CACNA1D: variants seen among roughly 807,000 people sequenced by gnomAD.
CACNA1D encodes calcium voltage-gated channel subunit alpha1 D, also known as voltage-dependent L-type calcium channel subunit alpha-1D.
In CACNA1D, 55 loss-of-function variants were observed where a neutral mutation model predicts 257.1. The ratio of observed to expected loss-of-function variants is 0.21; its 90% confidence interval spans 0.17 to 0.27. The LOEUF is 0.27. CACNA1D is among the 10% of genes least tolerant of loss of function. The pLI, the probability that CACNA1D is intolerant of heterozygous loss-of-function variation, is 1.00. For missense variants in CACNA1D, 1,876 were observed against 2,784.0 expected (o/e 0.67, Z 7.34); for synonymous variants, 980 against 1,014.9 (o/e 0.97, Z 0.65).
chr3:53,592,555 A>C (rs1350062009), intron 3 of CACNA1D, among the ~76,000 whole-genome samples: 1 of 152,174 alleles, frequency 6.6e-6, no homozygotes, highest in African/African-American at 2.4e-5. Flanking sequence ...CATGAGCTTA[A>C]GGAAATATTA....
chr3:53,768,906 T>C (rs1157683267), intron 30 of CACNA1D, among the ~76,000 whole-genome samples: 1 of 152,190 alleles, frequency 6.6e-6, no homozygotes, highest in East Asian at 1.9e-4. Context: ...GCAGACACAC[T>C]GTACAGAAAG....
At chr3:53,633,807 A>G (rs924544547) in intron 3 of CACNA1D, among the ~76,000 whole-genome samples, 4 of 152,216 alleles carry the variant, frequency 2.6e-5, no homozygotes, top group African/African-American at 9.7e-5. Flanking sequence ...ACTGGATGGT[A>G]CAGTTAAGCT....
chr3:53,570,052 G>A (rs1395151373), intron 3 of CACNA1D, among the ~76,000 whole-genome samples: 2 of 151,422 alleles, frequency 1.3e-5, no homozygotes, highest in Admixed American at 6.6e-5. Flanking sequence ...AAAACTTTTT[G>A]GAAAAAAAAA....
chr3:53,593,356 G>A (rs966148876), intron 3 of CACNA1D, among the ~76,000 whole-genome samples: 2 of 152,172 alleles, frequency 1.3e-5, no homozygotes, highest in African/African-American at 4.8e-5. Flanking sequence ...TGAGTTTCTT[G>A]AGTTTCTTCC....
At chr3:53,600,283 A>G (rs1379026993) in intron 3 of CACNA1D, among the ~76,000 whole-genome samples, 3 of 152,200 alleles carry the variant, frequency 2.0e-5, no homozygotes, top group Non-Finnish European at 4.4e-5. Flanking sequence ...TCCTCAATTG[A>G]TACGGATGAA....
At chr3:53,672,127 G>C (rs1014008494) in intron 7 of CACNA1D, among the ~76,000 whole-genome samples, 1 of 152,216 alleles carries the variant, frequency 6.6e-6, no homozygotes, top group African/African-American at 2.4e-5. Context: ...GGGAGACTGT[G>C]TCTGAATGTG....
rs2094841959 is a variant in CACNA1D at position 53,718,280 on chromosome 3, AAGC to A, written c.1391-20_1391-18del. ...TGCAGTGTGCCCCGCATGCTCTCTG[AAGC>A]CCGTCTTCTCCCCACAGCTAGCATG... is the stretch of plus-strand genomic sequence containing the variant. On this transcript the variant is annotated intron_variant, in intron 9 of 47. Transcript: ENST00000350061. The A allele has an allele frequency of 6.2e-7, 1 of 1,608,272 alleles. No individual in the cohort carries two copies. Among genetic ancestry groups the A allele is most frequent in the African/African-American group, 1.3e-5 (1 of 74,956 alleles).
intron 3 of CACNA1D, among the ~76,000 whole-genome samples, chr3:53,603,516 T>A (rs1334158652): frequency 1.3e-5 from 2 of 152,196 alleles, no homozygotes; most frequent in African/African-American, 4.8e-5. Flanking sequence ...ACCTAGTATA[T>A]ATAGATGGTA....
At chr3:53,544,029 A>G (rs1228610871) in intron 3 of CACNA1D, among the ~76,000 whole-genome samples, 2 of 152,144 alleles carry the variant, frequency 1.3e-5, no homozygotes, top group Non-Finnish European at 2.9e-5. Flanking sequence ...ATATCCAGTC[A>G]ATCTCTGTCA....
At chr3:53,772,725 C>T (rs1333889729) in intron 32 of CACNA1D, 108 bp from the exon 33 acceptor site, 17 of 808,384 alleles carry the variant, frequency 2.1e-5, no homozygotes, top group East Asian at 4.9e-5. Flanking sequence ...CACGGTAACA[C>T]GTGGAATAGA....
At chr3:53,808,384 AGC>A (rs1411503701) in intron 45 of CACNA1D, 7 of 422,182 alleles carry the variant, frequency 1.7e-5, no homozygotes, top group Non-Finnish European at 3.1e-5. Flanking sequence ...ACTGCACTCC[AGC>A]CTGGGCGACA....
intron 3 of CACNA1D, among the ~76,000 whole-genome samples, chr3:53,579,441 G>A (rs1276610621): frequency 6.6e-6 from 1 of 152,178 alleles, no homozygotes; most frequent in Admixed American, 6.5e-5. Context: ...CCCAGTTAAA[G>A]ATGCCTCATA....
At chr3:53,804,292 C>T (rs997452698) in intron 44 of CACNA1D, among the ~76,000 whole-genome samples, 37 of 152,284 alleles carry the variant, frequency 2.4e-4, no homozygotes, top group African/African-American at 8.4e-4. Context: ...AGCCCTTCCC[C>T]GTGCCTCTCT....
intron 4 of CACNA1D, among the ~76,000 whole-genome samples, chr3:53,656,822 G>A (rs1260431035): frequency 6.6e-6 from 1 of 152,150 alleles, no homozygotes; most frequent in Non-Finnish European, 1.5e-5. Context: ...AACATTGTTA[G>A]TAATTAGAGA....
chr3:53,646,468 T>G (rs2094022105), intron 3 of CACNA1D, among the ~76,000 whole-genome samples: 1 of 152,234 alleles, frequency 6.6e-6, no homozygotes, highest in Non-Finnish European at 1.5e-5. Flanking sequence ...ATCTATAGCT[T>G]TATTCCTTTC....
At chr3:53,668,315 TA>T (rs1297128684) in intron 7 of CACNA1D, among the ~76,000 whole-genome samples, 5 of 152,198 alleles carry the variant, frequency 3.3e-5, no homozygotes, top group Non-Finnish European at 5.9e-5. Context: ...CAAGCAAGTG[TA>T]AAACCTGGGA....
chr3:53,812,450 A>ATCTT lies in CACNA1D; in HGVS notation c.*1047_*1050dup, dbSNP rs1167119512. 2 of 152,228 alleles carry ATCTT rather than the reference A, an allele frequency of 1.3e-5. No individual in the cohort carries two copies. The highest frequency in any genetic ancestry group is 3.8e-4 in the East Asian group (2 of 5,200). The allele number at this position is 152,228 out of a possible 1,614,324, so 9.4% of individuals were successfully genotyped here. A position where few individuals can be genotyped will look rare whatever the true frequency, so the allele number is the denominator to read the frequency against. On this transcript the variant is annotated 3_prime_UTR_variant, in exon 48 of 48. Coordinates refer to ENST00000350061, the MANE Select transcript of CACNA1D (RefSeq NM_001128840.3). ...TATTTTGAGTCACTATAAACCTATCATCTTTCCACAAGATATACCAGATGA... is the reference window on the plus strand; with the variant it reads ...TATTTTGAGTCACTATAAACCTATCATCTTTCTTTCCACAAGATATACCAGATGA...
intron 6 of CACNA1D, 127 bp from the exon 7 acceptor site, chr3:53,666,212 G>T (rs2094261173): frequency 2.3e-6 from 2 of 859,444 alleles, no homozygotes; most frequent in East Asian, 4.8e-5. Context: ...GGACAAGCAG[G>T]ATCCTGAGGC....
At chr3:53,687,359 A>G (rs2094482346) in intron 8 of CACNA1D, among the ~76,000 whole-genome samples, 1 of 152,170 alleles carries the variant, frequency 6.6e-6, no homozygotes, top group Non-Finnish European at 1.5e-5. Flanking sequence ...GCTGATTTCA[A>G]AATTTACTGT....
Sources: allele counts gnomAD v4.1 joint callset (sites outside exome capture counted in the v4.1 genomes callset), GRCh38; gene constraint gnomAD v4.1.1; transcripts MANE v1.5; gene names NCBI Gene and HGNC (gene_info 2026-07-23, HGNC 2026-07-21).